Variants in COL6A2 observed in about 807,000 individuals in gnomAD.
The protein encoded by COL6A2 is collagen type VI alpha 2 chain, also known as collagen alpha-2(VI) chain.
In COL6A2, 90 loss-of-function variants were observed where a neutral mutation model predicts 124.9. That is an observed-to-expected ratio of 0.72 (90% CI 0.61 to 0.86). COL6A2 has a LOEUF of 0.86. COL6A2 is among the 40% of genes least tolerant of loss of function. The pLI is 0.00. For synonymous variants in COL6A2, 793 were observed against 618.2 expected (o/e 1.28, Z -4.19); for missense variants, 1,607 against 1,502.5 (o/e 1.07, Z -1.15).
At chr21:46,105,929 CAG>C (rs1487823021) in intron 1 of COL6A2, among the ~76,000 whole-genome samples, 21 of 152,286 alleles carry the variant, frequency 1.4e-4, no homozygotes, top group Non-Finnish European at 2.5e-4. Flanking sequence ...TGTTAAAAGA[CAG>C]AGATTGGCAG....
At chr21:46,124,799 C>G (rs1601246552) in intron 22 of COL6A2, 86 bp downstream of exon 22, 1 of 1,594,372 alleles carries the variant, frequency 6.3e-7, no homozygotes, top group East Asian at 2.2e-5. Flanking sequence ...CCACGGTGGA[C>G]CCACGTATCA....
chr21:46,100,927 A>G (rs911758804), intron 1 of COL6A2, among the ~76,000 whole-genome samples: 3 of 152,212 alleles, frequency 2.0e-5, no homozygotes, highest in Non-Finnish European at 4.4e-5. Context: ...AGAAGTGGAA[A>G]TGTGGATCAT....
chr21:46,118,992 C>T (rs777766046), intron 13 of COL6A2, 38 bp from the exon 14 acceptor site: 2 of 1,500,774 alleles, frequency 1.3e-6, no homozygotes, highest in South Asian at 1.1e-5. Context: ...CTCAGGGCCC[C>T]TGCCTCTGGG....
At chr21:46,118,068 C>T (rs779261321) in intron 12 of COL6A2, 132 bp downstream of exon 12, 13 of 863,546 alleles carry the variant, frequency 1.5e-5, no homozygotes, top group South Asian at 6.9e-5. Context: ...AGCCAATGGC[C>T]GTGGGATGTG....
At chr21:46,122,261 G>T in intron 19 of COL6A2, 103 bp downstream of exon 19, 2 of 1,380,508 alleles carry the variant, frequency 1.4e-6, no homozygotes, top group Non-Finnish European at 2.0e-6. Flanking sequence ...CTGTGCAGAA[G>T]AAAGTGTGAG....
In COL6A2 at chr21:46,121,572, C is replaced by T. The variant is rs747882926; in HGVS notation, c.1475C>T (p.Pro492Leu). ...EPGKQGSRGD[P>L]GDAGPRGDSG... ...TGCCCTCAGGGATCTCGGGGAGACC[C>T]CGGTGATGCAGGACCCCGTGGAGAC... Residue 492 changes from proline to leucine, a missense_variant, in exon 18 of 28, where the codon CCC becomes CTC. By Grantham distance (98) the Pro-to-Leu change is moderately conservative. Around this residue, in one of 3 missense-constraint regions of COL6A2, gnomAD observed 1,223 missense variants for 1,052.2 expected, o/e 1.16. Coordinates refer to ENST00000300527, the MANE Select transcript of COL6A2 (RefSeq NM_001849.4). 5 of 1,612,880 alleles carry T rather than the reference C, an allele frequency of 3.1e-6. No individual in the cohort carries two copies. The highest frequency in any genetic ancestry group is 4.2e-6 in the Non-Finnish European group (5 of 1,179,970).
At position 46,132,392 on chromosome 21, in the gene COL6A2, A is replaced by G; in HGVS notation, c.2900A>G (p.Gln967Arg). 1.9e-6 allele frequency: 3 copies of G among 1,609,618 alleles called. No homozygotes were observed. Among genetic ancestry groups the G allele is most frequent in the Non-Finnish European group, 2.5e-6 (3 of 1,179,244 alleles). The change falls in exon 28 of 28, where the codon CAG becomes CGG. Residue 967 changes from glutamine (Q) to arginine (R), a missense_variant. Physicochemically the swap from Gln to Arg is conservative, Grantham distance 43. Coordinates refer to ENST00000300527, the MANE Select transcript of COL6A2 (RefSeq NM_001849.4). ...GAGTCGGCGCACTCCATGCGCAAGC[A>G]GAACGTGGTACCCACCGTGCTGGCC... ...LHESAHSMRK[Q>R]NVVPTVLALG...
intron 14 of COL6A2, among the ~76,000 whole-genome samples, chr21:46,119,393 G>A (rs371958205): frequency 2.0e-5 from 3 of 152,154 alleles, no homozygotes; most frequent in Non-Finnish European, 4.4e-5. Context: ...AGCAGGGCCC[G>A]TCCCAGTGCT....
chr21:46,131,975 C>T lies in COL6A2; in HGVS notation c.2483C>T (p.Thr828Met), dbSNP rs755782924. 1.7e-5 allele frequency: 28 copies of T among 1,607,600 alleles called. No homozygotes were observed. Among genetic ancestry groups the T allele is most frequent in the Admixed American group, 5.0e-5 (3 of 59,754 alleles). ...CQTELSVAQC[T>M]QRPVDIVFLL... is the part of the protein sequence containing the mutation. ...ACAGAGCTGTCCGTGGCACAGTGCA[C>T]GCAGCGGCCCGTGGACATCGTCTTC... is the stretch of plus-strand genomic sequence containing the variant. The change falls in exon 28 of 28, where the codon ACG becomes ATG. Residue 828 changes from threonine to methionine, a missense_variant. Coordinates refer to ENST00000300527, the MANE Select transcript of COL6A2 (RefSeq NM_001849.4).
At position 46,119,738 on chromosome 21, in the gene COL6A2, C is replaced by G. The variant is rs1293611150; in HGVS notation, c.1270-50C>G. ...GCACAGCCCCCACCCTCCACAGGCT[C>G]TGGGCTTGGACTCAGCCCCCTCCCT... is the stretch of plus-strand genomic sequence containing the variant. On this transcript the variant is annotated intron_variant, in intron 14 of 27. Transcript: ENST00000300527. The G allele has an allele frequency of 3.3e-6, 5 of 1,511,686 alleles. No individual in the cohort carries two copies. The Admixed American group carries it at 7.9e-5, about 24-fold the overall frequency. The allele number at this position is 1,511,686 out of a possible 1,614,324, so 93.6% of individuals were successfully genotyped here. A position where few individuals can be genotyped will look rare whatever the true frequency, so the allele number is the denominator to read the frequency against.
rs1017262821 is a variant in COL6A2, at chr21:46,113,964, A to C, written c.736-44A>C. 3.9e-6 allele frequency: 6 copies of C among 1,541,954 alleles called. No individual in the cohort carries two copies. The East Asian group carries it at 1.3e-4, about 35-fold the overall frequency. Reference sequence around the variant, plus strand: ...GAGACCCTGCCCTGCCACCTGAGGAATGTCCCACCCATGCAACCTTCTGTC... The same window carrying C: ...GAGACCCTGCCCTGCCACCTGAGGACTGTCCCACCCATGCAACCTTCTGTC... On this transcript the variant is annotated intron_variant, in intron 4 of 27. Transcript: ENST00000300527.
chr21:46,109,384 T>C (rs1015632036), intron 1 of COL6A2, among the ~76,000 whole-genome samples: 11 of 152,158 alleles, frequency 7.2e-5, no homozygotes, highest in Non-Finnish European at 1.6e-4. Flanking sequence ...TGTGCAGCCA[T>C]GTGCAGGCCC....
chr21:46,115,505 T>C (rs2078457452), intron 5 of COL6A2, among the ~76,000 whole-genome samples: 1 of 152,218 alleles, frequency 6.6e-6, no homozygotes, highest in African/African-American at 2.4e-5. Flanking sequence ...AAGGAATTAA[T>C]CTTTGTAGTG....
Position 46,119,021 on chromosome 21 carries a change from C to T in COL6A2, c.1180-9C>T. The T allele has an allele frequency of 1.9e-6, 3 of 1,604,740 alleles. No individual in the cohort carries two copies. The highest frequency in any genetic ancestry group is 1.7e-4 in the Middle Eastern group (1 of 6,050). On this transcript the variant is annotated splice_polypyrimidine_tract_variant and intron_variant, in intron 13 of 27. Transcript: ENST00000300527. ...CTCTGGGTGACTGTGCTGTCCTCTC[C>T]TTCTTCAGGGGTATCAAGGCAACAG...
intron 27 of COL6A2, among the ~76,000 whole-genome samples, chr21:46,128,731 G>C (rs963221248): frequency 6.6e-6 from 1 of 152,266 alleles, no homozygotes; most frequent in African/African-American, 2.4e-5. Context: ...GGCCAGGTCT[G>C]CTCAGGGGAA....
intron 27 of COL6A2, 50 bp from the exon 28 acceptor site, chr21:46,131,904 G>T (rs374726502): frequency 6.6e-7 from 1 of 1,515,250 alleles, no homozygotes; most frequent in Admixed American, 1.9e-5. Context: ...GCACCTGCCC[G>T]GTCCTGCCCA....
In COL6A2 at chr21:46,132,293, G is replaced by A. The variant is rs767571185; in HGVS notation, c.2801G>A (p.Gly934Asp). The change falls in exon 28 of 28, where the codon GGC becomes GAC. Residue 934 changes from glycine to aspartate, a missense_variant. By Grantham distance (94) the Gly-to-Asp change is moderately conservative. Coordinates refer to ENST00000300527, the MANE Select transcript of COL6A2 (RefSeq NM_001849.4). Reference sequence around the variant, plus strand: ...AATGCCATCGTGCGCAGCCCGCGTGGCGGGGCCCGGAGGCACGCAGAGCTG... The same window carrying A: ...AATGCCATCGTGCGCAGCCCGCGTGACGGGGCCCGGAGGCACGCAGAGCTG... ...AINAIVRSPR[G>D]GARRHAELSF... The A allele has an allele frequency of 1.9e-6, 3 of 1,605,956 alleles. No individual in the cohort carries two copies. Among genetic ancestry groups the A allele is most frequent in the Non-Finnish European group, 2.5e-6 (3 of 1,179,238 alleles).
In COL6A2 at chr21:46,126,041, C is replaced by T. The variant is rs775259194; in HGVS notation, c.2226C>T (p.Leu742=). 3.0e-5 allele frequency: 48 copies of T among 1,613,118 alleles called. No homozygotes were observed. Among genetic ancestry groups the T allele is most frequent in the Non-Finnish European group, 3.7e-5 (44 of 1,179,998 alleles). The change falls in exon 26 of 28, where the codon CTC becomes CTT. Residue 742 remains leucine (L), a synonymous_variant. Transcript: ENST00000300527. ...GCCACGACCCTCGGGACGATGACCTCAACTTGCGGGCGCTGTGCGACCGCG... is the reference window on the plus strand; with the variant it reads ...GCCACGACCCTCGGGACGATGACCTTAACTTGCGGGCGCTGTGCGACCGCG... ...DGRHDPRDDD[L]NLRALCDRDV...
intron 27 of COL6A2, among the ~76,000 whole-genome samples, chr21:46,127,210 G>A (rs2078684810): frequency 6.6e-6 from 1 of 151,996 alleles, no homozygotes; most frequent in Non-Finnish European, 1.5e-5. Flanking sequence ...CCCTCCAGGA[G>A]TGTGAGGGTA....
Sources: gnomAD v4.1 joint callset for allele counts (sites outside exome capture counted in the v4.1 genomes callset) on GRCh38, gnomAD v4.1.1 for gene constraint, gnomAD v4.1.1 regional missense constraint, MANE v1.5 for transcripts, NCBI Gene and HGNC (gene_info 2026-07-23, HGNC 2026-07-21) for gene names.